Variants in DNMBP observed in about 807,000 individuals in gnomAD.
DNMBP encodes dynamin-binding protein.
A neutral mutation model predicts 150.0 loss-of-function variants in DNMBP; 87 were observed. The observed-to-expected ratio is 0.58, with a 90% confidence interval of 0.49 to 0.69. The LOEUF (loss-of-function observed/expected upper bound fraction) is 0.69, where lower values mean the gene tolerates loss of function less well. Among genes scored for constraint, DNMBP ranks in the 30% least tolerant of loss-of-function variants. The pLI is 0.00. For synonymous variants in DNMBP, 711 were observed against 750.4 expected (o/e 0.95, Z 0.86); for missense variants, 1,774 against 1,949.0 (o/e 0.91, Z 1.69).
chr10:99,907,927 A>G, intron 6 of DNMBP, 68 bp downstream of exon 6: 1 of 1,147,042 alleles, frequency 8.7e-7, no homozygotes, highest in Non-Finnish European at 1.3e-6. Context: ...AGTATCAGGA[A>G]GGCCACTTAC....
In DNMBP at chr10:99,898,698, C is replaced by T. The variant is rs760213261; in HGVS notation, c.2720+45G>A. The T allele has an allele frequency of 1.1e-5, 18 of 1,607,854 alleles. No homozygotes were observed. The African/African-American group carries it at 1.6e-4, about 14-fold the overall frequency. ...TGCTTAAGAGTTAGTTAGGAAAAATCCACAGAAGAAATGAGCGCATACATC... is the reference window on the plus strand; with the variant it reads ...TGCTTAAGAGTTAGTTAGGAAAAATTCACAGAAGAAATGAGCGCATACATC... On this transcript the variant is annotated intron_variant, in intron 8 of 16. Coordinates refer to ENST00000324109, the MANE Select transcript of DNMBP (RefSeq NM_015221.4).
Position 99,956,836 on chromosome 10 carries a change from C to T in DNMBP, c.638G>A (p.Ser213Asn), listed in dbSNP as rs984337855. Residue 213 changes from serine to asparagine, a missense_variant, in exon 4 of 17, where the codon AGT (serine) becomes AAT (asparagine). By Grantham distance (46) the Ser-to-Asn change is conservative. Around this residue, in one of 2 missense-constraint regions of DNMBP, gnomAD observed 344 missense variants for 456.6 expected, o/e 0.75. Coordinates refer to ENST00000324109, the MANE Select transcript of DNMBP (RefSeq NM_015221.4). ...AATGCAGTCATCTTGATTTCCAGAA[C>T]TTACTGACTCATCCACAGTCCTCAG... is the stretch of plus-strand genomic sequence containing the variant. Reference protein sequence around the residue: ...GPLRTVDESVSSGNQDDCIVN... With the variant: ...GPLRTVDESVNSGNQDDCIVN... 6.2e-7 allele frequency: 1 copy of T among 1,614,178 alleles called. No individual in the cohort carries two copies. The highest frequency in any genetic ancestry group is 8.5e-7 in the Non-Finnish European group (1 of 1,180,034).
rs568725578 is a variant in DNMBP at position 99,933,865 on chromosome 10, C to T, written c.2260+21349G>A. On this transcript the variant is annotated intron_variant, in intron 4 of 16. Transcript: ENST00000324109. The stretch of plus-strand genomic sequence containing the variant: ...CATTCTCCTGCCTCAGCCTCCGCAG[C>T]AGCTGGGACTACAGGCGCCCGCCAC... 2.0e-3 allele frequency among the ~76,000 whole-genome samples: 311 copies of T among 152,024 alleles called. 3 individuals carry two copies. The highest frequency in any genetic ancestry group is 3.4e-3 in the Middle Eastern group (1 of 294).
chr10:99,896,366 G>C lies in DNMBP; in HGVS notation c.2952C>G (p.Ser984Arg). ...VLKYRKGDED[S>R]LMEKISKLNI... The stretch of plus-strand genomic sequence containing the variant: ...TCAGTTTGGAAATTTTCTCCATAAG[G>C]CTATCTTCATCACCCTTACGGTACT... The change falls in exon 10 of 17, where the codon AGC becomes AGG. Residue 984 changes from serine to arginine, a missense_variant. By Grantham distance (110) the Ser-to-Arg change is moderately radical. Coordinates refer to ENST00000324109, the MANE Select transcript of DNMBP (RefSeq NM_015221.4). 1 of 1,614,104 alleles carries C rather than the reference G, an allele frequency of 6.2e-7. No individual in the cohort carries two copies. Among genetic ancestry groups the C allele is most frequent in the Non-Finnish European group, 8.5e-7 (1 of 1,179,996 alleles).
intron 6 of DNMBP, among the ~76,000 whole-genome samples, chr10:99,902,456 T>C (rs954683892): frequency 1.0e-4 from 15 of 150,436 alleles, no homozygotes; most frequent in Non-Finnish European, 2.2e-4. Context: ...ATCACAGGCA[T>C]GCGCCACCAC....
intron 1 of DNMBP, among the ~76,000 whole-genome samples, chr10:99,982,914 G>A (rs2040793722): frequency 1.3e-5 from 2 of 151,668 alleles, no homozygotes; most frequent in African/African-American, 2.4e-5. Context: ...GTTGCAGCAA[G>A]CTGATCGCAC....
intron 4 of DNMBP, among the ~76,000 whole-genome samples, chr10:99,943,983 T>C (rs187815968): frequency 6.6e-6 from 1 of 152,334 alleles, no homozygotes; most frequent in African/African-American, 2.4e-5. Context: ...CACTGAAAAT[T>C]ACTTGTAGAG....
At chr10:99,953,265 A>G (rs1162231156) in intron 4 of DNMBP, among the ~76,000 whole-genome samples, 1 of 152,146 alleles carries the variant, frequency 6.6e-6, no homozygotes, top group East Asian at 1.9e-4. Flanking sequence ...ATTTAATTTA[A>G]AACTTTTTTT....
chr10:99,993,104 G>A (rs2040914111), intron 1 of DNMBP, among the ~76,000 whole-genome samples: 1 of 152,132 alleles, frequency 6.6e-6, no homozygotes, highest in Non-Finnish European at 1.5e-5. Flanking sequence ...GGGTTGTAAT[G>A]AAATTAATAT....
chr10:99,887,442 G>A (rs915736619), intron 12 of DNMBP, among the ~76,000 whole-genome samples: 2 of 151,826 alleles, frequency 1.3e-5, no homozygotes, highest in Non-Finnish European at 2.9e-5. Context: ...CAGGAGAATC[G>A]CTTGAACCTG....
At chr10:99,882,858 G>C (rs547524123) in intron 15 of DNMBP, among the ~76,000 whole-genome samples, 8 of 152,116 alleles carry the variant, frequency 5.3e-5, no homozygotes, top group Admixed American at 1.3e-4. Context: ...CTGAGGTTAG[G>C]AGTTGGAGAC....
Position 99,881,239 on chromosome 10 carries a change from C to G in DNMBP, c.3998-878G>C, listed in dbSNP as rs569750841. On this transcript the variant is annotated intron_variant, in intron 15 of 16. Coordinates refer to ENST00000324109, the MANE Select transcript of DNMBP (RefSeq NM_015221.4). ...ACGAAACTCCGTCTCAAAAAAAAAG[C>G]CTCAGCTCAAGAAGCCCCTCCATAG... is the stretch of plus-strand genomic sequence containing the variant. 3.7e-4 allele frequency among the ~76,000 whole-genome samples: 56 copies of G among 152,150 alleles called. 1 individual carries two copies. The highest frequency in any genetic ancestry group is 1.2e-3 in the African/African-American group (49 of 41,506).
At chr10:99,883,668 A>AAAAAAAAAAAAAG (rs2039405371) in intron 15 of DNMBP, among the ~76,000 whole-genome samples, 1 of 145,584 alleles carries the variant, frequency 6.9e-6, no homozygotes, top group Admixed American at 6.9e-5. Flanking sequence ...AAAAAAAAAA[A>AAAAAAAAAAAAAG]TTTGAAAAGA....
chr10:99,948,855 C>T (rs1044826075), intron 4 of DNMBP, among the ~76,000 whole-genome samples: 6 of 151,644 alleles, frequency 4.0e-5, no homozygotes, highest in Admixed American at 1.3e-4. Context: ...TCCAGCTACT[C>T]GGGAGGCTAA....
intron 3 of DNMBP, among the ~76,000 whole-genome samples, chr10:99,962,219 ATT>A (rs966427891): frequency 6.6e-6 from 1 of 152,164 alleles, no homozygotes; most frequent in Admixed American, 6.5e-5. Flanking sequence ...TGCCCAAAAT[ATT>A]TTCACAAATT....
chr10:99,898,862 TATGA>T, intron 7 of DNMBP, 102 bp from the exon 8 acceptor site: 1 of 1,100,382 alleles, frequency 9.1e-7, no homozygotes, highest in Non-Finnish European at 1.4e-6. Context: ...GACAAAAAAT[TATGA>T]ATGTTTATGG....
intron 16 of DNMBP, 23 bp from the exon 17 acceptor site, chr10:99,877,359 A>G (rs1384132145): frequency 1.3e-6 from 2 of 1,581,378 alleles, no homozygotes; most frequent in African/African-American, 2.7e-5. Flanking sequence ...GAGAGAGAAA[A>G]TGGGAAATTG....
chr10:99,909,312 G>A (rs1296986357), intron 4 of DNMBP, among the ~76,000 whole-genome samples, 166 bp from the exon 5 acceptor site: 2 of 152,182 alleles, frequency 1.3e-5, no homozygotes, highest in African/African-American at 2.4e-5. Context: ...CAGCTGAAGC[G>A]CTTAGAAAGC....
intron 4 of DNMBP, among the ~76,000 whole-genome samples, chr10:99,915,194 CACACAT>C (rs1261865505): frequency 9.2e-5 from 12 of 130,564 alleles, no homozygotes; most frequent in South Asian, 2.4e-4. Context: ...CACACATATA[CACACAT>C]ATACATATAT....
Sources: allele counts gnomAD v4.1 joint callset (sites outside exome capture counted in the v4.1 genomes callset), GRCh38; gene constraint gnomAD v4.1.1; regional missense constraint gnomAD v4.1.1; transcripts MANE v1.5; gene names NCBI Gene and HGNC (gene_info 2026-07-23, HGNC 2026-07-21).